CFDP1: variants seen among roughly 807,000 people sequenced by gnomAD.
CFDP1 encodes the protein heterochromatin-stabilizing protein CFDP1.
In CFDP1, 31 loss-of-function variants were observed where a neutral mutation model predicts 40.1. The observed-to-expected ratio is 0.77, with a 90% CI of 0.58 to 1.04. CFDP1 has a LOEUF of 1.04. Among genes scored for constraint, CFDP1 ranks in the 50% least tolerant of loss-of-function variants. The pLI, the probability that CFDP1 is intolerant of heterozygous loss-of-function variation, is 0.00. For missense variants in CFDP1, 423 were observed against 343.4 expected, an observed-to-expected ratio of 1.23 and a Z score of -1.83; for synonymous variants, 167 against 120.0, an observed-to-expected ratio of 1.39 and a Z score of -2.56.
chr16:75,293,931 C>T lies in CFDP1; in HGVS notation c.*21G>A. ...TCACATTGTAAACAGGATTAAGCTG[C>T]TCTTGATTTAGCCCGTAACATCAAG... On this transcript the variant is annotated 3_prime_UTR_variant, in exon 7 of 7. Transcript: ENST00000283882. The T allele has an allele frequency of 6.3e-7, 1 of 1,597,000 alleles. No homozygotes were observed. Among genetic ancestry groups the T allele is most frequent in the Non-Finnish European group, 8.6e-7 (1 of 1,164,738 alleles).
intron 5 of CFDP1, among the ~76,000 whole-genome samples, chr16:75,347,595 T>A (rs571276120): frequency 2.0e-5 from 3 of 150,134 alleles, no homozygotes; most frequent in African/African-American, 7.4e-5. Flanking sequence ...AGGAGAATGG[T>A]GTGAACCCGG....
chr16:75,412,862 C>A, intron 2 of CFDP1, 108 bp from the exon 3 acceptor site: 1 of 784,246 alleles, frequency 1.3e-6, no homozygotes, highest in South Asian at 1.7e-5. Flanking sequence ...ACTTTAAATT[C>A]TGGGACTACT....
intron 5 of CFDP1, among the ~76,000 whole-genome samples, chr16:75,364,159 A>C (rs903187116): frequency 6.6e-6 from 1 of 151,872 alleles, no homozygotes; most frequent in Non-Finnish European, 1.5e-5. Context: ...AAACAAAAAA[A>C]ACTATTACTT....
chr16:75,363,325 T>C (rs551471970), intron 5 of CFDP1, among the ~76,000 whole-genome samples: 17 of 151,718 alleles, frequency 1.1e-4, no homozygotes, highest in African/African-American at 1.7e-4. Flanking sequence ...CCTAAATGGA[T>C]TGTTAATACT....
intron 5 of CFDP1, among the ~76,000 whole-genome samples, chr16:75,394,003 C>T (rs149007957): frequency 0.016 from 2,362 of 151,980 alleles, 60 homozygotes; most frequent in African/African-American, 0.053. Context: ...TGCAGTGAGC[C>T]GAGATTGCGC....
At chr16:75,344,194 C>G (rs1368686683) in intron 5 of CFDP1, among the ~76,000 whole-genome samples, 1 of 152,184 alleles carries the variant, frequency 6.6e-6, no homozygotes, top group Non-Finnish European at 1.5e-5. Context: ...GAAAAGCTTG[C>G]TCTGTCAGTA....
intron 5 of CFDP1, among the ~76,000 whole-genome samples, chr16:75,337,786 C>A (rs2078499796): frequency 6.6e-6 from 1 of 152,130 alleles, no homozygotes; most frequent in Non-Finnish European, 1.5e-5. Flanking sequence ...CAATCACCTC[C>A]CACCGGGCCC....
At chr16:75,419,194 C>G in intron 1 of CFDP1, 1 of 186,250 alleles carries the variant, frequency 5.4e-6, no homozygotes, top group South Asian at 8.1e-5. Context: ...CAGTGAAGAC[C>G]TGAACATTAA....
At chr16:75,319,113 G>A (rs544329876) in intron 5 of CFDP1, among the ~76,000 whole-genome samples, 4 of 152,102 alleles carry the variant, frequency 2.6e-5, no homozygotes, top group East Asian at 3.9e-4. Flanking sequence ...GAGCGATCTC[G>A]GCTCACTGCA....
At chr16:75,372,729 G>C (rs2078762860) in intron 5 of CFDP1, among the ~76,000 whole-genome samples, 1 of 152,094 alleles carries the variant, frequency 6.6e-6, no homozygotes, top group Non-Finnish European at 1.5e-5. Flanking sequence ...ATCATCTTTT[G>C]GCAAGATGGA....
chr16:75,356,500 T>C (rs2078644701), intron 5 of CFDP1, among the ~76,000 whole-genome samples: 1 of 152,264 alleles, frequency 6.6e-6, no homozygotes, highest in Non-Finnish European at 1.5e-5. Context: ...CTGTCATCTA[T>C]GTTTTGTTGT....
intron 5 of CFDP1, among the ~76,000 whole-genome samples, chr16:75,386,648 C>A (rs1310903184): frequency 6.6e-6 from 1 of 152,150 alleles, no homozygotes. Flanking sequence ...TCACTTGAAC[C>A]TGGGAGGCGA....
At chr16:75,353,333 A>G (rs1167609368) in intron 5 of CFDP1, among the ~76,000 whole-genome samples, 1 of 152,236 alleles carries the variant, frequency 6.6e-6, no homozygotes, top group Non-Finnish European at 1.5e-5. Context: ...AAAAGAAGAG[A>G]TACATACTGA....
chr16:75,356,231 A>G (rs1344807475), intron 5 of CFDP1, among the ~76,000 whole-genome samples: 1 of 152,246 alleles, frequency 6.6e-6, no homozygotes, highest in Non-Finnish European at 1.5e-5. Context: ...AGACCATCAC[A>G]GCTTGTCAGG....
rs2078164542 is a variant in CFDP1, at chr16:75,294,043, C to T, written c.810-1G>A. ...AAGGAAGGCTTTCCGTTCAATGTAC[C>T]TAGAAGATGAAAACAGTGTTTGTCA... On this transcript the variant is annotated splice_acceptor_variant, in intron 6 of 6. Transcript: ENST00000283882. LOFTEE classifies it high-confidence loss of function. 1 of 1,611,008 alleles carries T rather than the reference C, an allele frequency of 6.2e-7. No individual in the cohort carries two copies. The highest frequency in any genetic ancestry group is 1.1e-5 in the South Asian group (1 of 91,026).
intron 5 of CFDP1, among the ~76,000 whole-genome samples, chr16:75,353,748 CAAAAAAAAA>C (rs3975152): frequency 4.1e-5 from 3 of 72,340 alleles, no homozygotes; most frequent in Non-Finnish European, 7.1e-5. Context: ...AAGTCCGTCT[CAAAAAAAAA>C]AAAAAAAAAA....
intron 4 of CFDP1, among the ~76,000 whole-genome samples, chr16:75,410,070 A>C (rs1250810146): frequency 1.0e-4 from 15 of 148,482 alleles, no homozygotes; most frequent in African/African-American, 3.2e-4. Context: ...AAAAAAAAAA[A>C]AAAAAAAAAA....
chr16:75,417,777 T>C (rs2079224637), intron 1 of CFDP1, among the ~76,000 whole-genome samples: 1 of 151,934 alleles, frequency 6.6e-6, no homozygotes, highest in African/African-American at 2.4e-5. Flanking sequence ...TTAAAAACAG[T>C]ATTCTGACTA....
At chr16:75,385,680 T>G (rs1323496477) in intron 5 of CFDP1, among the ~76,000 whole-genome samples, 1 of 152,240 alleles carries the variant, frequency 6.6e-6, no homozygotes, top group Non-Finnish European at 1.5e-5. Context: ...TAATGCTTTC[T>G]GGGATCTTGC....
Sources: allele counts gnomAD v4.1 joint callset (sites outside exome capture counted in the v4.1 genomes callset), GRCh38; gene constraint gnomAD v4.1.1; transcripts MANE v1.5; gene names NCBI Gene and HGNC (gene_info 2026-07-23, HGNC 2026-07-21).